Variants in FAM227B observed in about 807,000 individuals in gnomAD.
The protein encoded by FAM227B is protein FAM227B.
A neutral mutation model predicts 73.8 loss-of-function variants in FAM227B; 88 were observed. The observed-to-expected ratio is 1.19, with a 90% CI of 1.00 to 1.42. The LOEUF (loss-of-function observed/expected upper bound fraction) is 1.42, where lower values mean the gene tolerates loss of function less well. Ranked by LOEUF, FAM227B falls within the 40% of genes most tolerant of loss-of-function variation. FAM227B has a pLI of 0.00. For synonymous variants in FAM227B, 210 were observed against 190.5 expected, an observed-to-expected ratio of 1.10 and a Z score of -0.84; for missense variants, 632 against 590.9, an observed-to-expected ratio of 1.07 and a Z score of -0.72.
chr15:49,543,706 CTT>C (rs2071407327), intron 9 of FAM227B, among the ~76,000 whole-genome samples: 1 of 152,054 alleles, frequency 6.6e-6, no homozygotes, highest in African/African-American at 2.4e-5. Flanking sequence ...CAGCTTTATT[CTT>C]CTACATGTGG....
chr15:49,413,828 C>T (rs560102531), intron 11 of FAM227B, among the ~76,000 whole-genome samples: 75 of 151,088 alleles, frequency 5.0e-4, no homozygotes, highest in African/African-American at 1.8e-3. Flanking sequence ...CTCATTTTCA[C>T]CTCAGAACTT....
At chr15:49,591,484 C>CTTTTTT (rs71120696) in intron 3 of FAM227B, among the ~76,000 whole-genome samples, 6 of 55,348 alleles carry the variant, frequency 1.1e-4, no homozygotes, top group Admixed American at 2.7e-4. Context: ...CCCTTCCTTC[C>CTTTTTT]TTTTTTTTTT....
chr15:49,387,769 G>A (rs1462092789), intron 11 of FAM227B, among the ~76,000 whole-genome samples: 3 of 151,626 alleles, frequency 2.0e-5, no homozygotes, highest in Non-Finnish European at 4.4e-5. Flanking sequence ...TTTAATAAAC[G>A]AATTCAGTAA....
chr15:49,487,483 CA>C (rs769700070), intron 11 of FAM227B: 1 of 151,700 alleles, frequency 6.6e-6, no homozygotes, highest in Non-Finnish European at 1.5e-5. Context: ...GCTACAAATT[CA>C]ATTTAATGAC....
At chr15:49,330,515 A>G (rs1176417140) in intron 15 of FAM227B, 1 of 152,172 alleles carries the variant, frequency 6.6e-6, no homozygotes, top group African/African-American at 2.4e-5. Context: ...ACAGGGCATC[A>G]ATGAACTAGG....
chr15:49,478,061 C>G (rs1214072650), intron 11 of FAM227B, among the ~76,000 whole-genome samples: 2 of 152,104 alleles, frequency 1.3e-5, no homozygotes, highest in Non-Finnish European at 2.9e-5. Flanking sequence ...GTTTTTCAAC[C>G]CTTCCCTCAT....
chr15:49,550,637 C>A (rs1208161526), intron 9 of FAM227B, among the ~76,000 whole-genome samples: 1 of 151,254 alleles, frequency 6.6e-6, no homozygotes, highest in African/African-American at 2.4e-5. Flanking sequence ...TCCTCACATC[C>A]CAGGTGGGGC....
intron 11 of FAM227B, chr15:49,422,817 CTCATA>C: frequency 9.7e-7 from 1 of 1,027,092 alleles, no homozygotes; most frequent in Non-Finnish European, 1.4e-6. Flanking sequence ...CTTTAAGGCA[CTCATA>C]TGTTAGTTAA....
At chr15:49,357,507 C>T (rs368856496) in intron 13 of FAM227B, among the ~76,000 whole-genome samples, 2 of 151,908 alleles carry the variant, frequency 1.3e-5, no homozygotes, top group Admixed American at 1.3e-4. Context: ...ATAAATTCCT[C>T]GACACATACA....
At chr15:49,444,328 T>G (rs192961659) in intron 11 of FAM227B, among the ~76,000 whole-genome samples, 1 of 151,862 alleles carries the variant, frequency 6.6e-6, no homozygotes, top group Admixed American at 6.6e-5. Context: ...TAAAACATGC[T>G]ACTATGAAAA....
At chr15:49,611,184 A>AT (rs1225385077) in intron 3 of FAM227B, 31 bp downstream of exon 3, 5 of 1,327,298 alleles carry the variant, frequency 3.8e-6, no homozygotes, top group Non-Finnish European at 5.4e-6. Flanking sequence ...AAAATGATGT[A>AT]ATGGCACATA....
chr15:49,419,418 A>G (rs564436080), intron 11 of FAM227B, among the ~76,000 whole-genome samples: 1 of 152,348 alleles, frequency 6.6e-6, no homozygotes, highest in East Asian at 1.9e-4. Context: ...GTCAGGAAGC[A>G]TTTATGACTT....
chr15:49,446,009 T>C (rs1285564190), intron 11 of FAM227B, among the ~76,000 whole-genome samples: 1 of 151,530 alleles, frequency 6.6e-6, no homozygotes, highest in East Asian at 1.9e-4. Context: ...CTTACTGGAA[T>C]AGACATATTT....
At chr15:49,470,290 AAC>A (rs2054624694) in intron 11 of FAM227B, among the ~76,000 whole-genome samples, 3 of 152,098 alleles carry the variant, frequency 2.0e-5, no homozygotes, top group Admixed American at 2.0e-4. Flanking sequence ...TTAAAATTAA[AAC>A]ACTATCATTA....
At chr15:49,608,460 C>T (rs2077666692) in intron 3 of FAM227B, among the ~76,000 whole-genome samples, 2 of 151,726 alleles carry the variant, frequency 1.3e-5, no homozygotes, top group South Asian at 4.2e-4. Context: ...CACCCATGTC[C>T]CAAAGCCCAA....
chr15:49,599,931 T>C (rs574935435), intron 3 of FAM227B, among the ~76,000 whole-genome samples: 13 of 152,334 alleles, frequency 8.5e-5, no homozygotes, highest in African/African-American at 3.1e-4. Context: ...CCATTTTGTC[T>C]AGAGAGTTGT....
At chr15:49,409,987 CTAG>C (rs1391254078) in intron 11 of FAM227B, among the ~76,000 whole-genome samples, 1 of 152,110 alleles carries the variant, frequency 6.6e-6, no homozygotes, top group East Asian at 1.9e-4. Context: ...CATTCAGGCT[CTAG>C]TATTTCCCTT....
chr15:49,618,616 T>G (rs1002781035), intron 1 of FAM227B, among the ~76,000 whole-genome samples: 2 of 152,114 alleles, frequency 1.3e-5, no homozygotes, highest in African/African-American at 4.8e-5. Flanking sequence ...TATTGACAGG[T>G]GAAGGGACAA....
At chr15:49,602,781 C>A (rs763691751) in intron 3 of FAM227B, among the ~76,000 whole-genome samples, 29 of 152,084 alleles carry the variant, frequency 1.9e-4, no homozygotes, top group Non-Finnish European at 3.2e-4. Context: ...AGTTTGAGAT[C>A]CTAAATTTAA....
Sources: allele counts gnomAD v4.1 joint callset (sites outside exome capture counted in the v4.1 genomes callset), GRCh38; gene constraint gnomAD v4.1.1; transcripts MANE v1.5; gene names NCBI Gene and HGNC (gene_info 2026-07-23, HGNC 2026-07-21).